HTR2C: variants seen among roughly 807,000 people sequenced by gnomAD.
HTR2C encodes the protein 5-hydroxytryptamine receptor 2C.
HTR2C carries 5 observed loss-of-function variants against 21.0 expected under a neutral mutation model. The ratio of observed to expected loss-of-function variants is 0.24; its 90% CI spans 0.12 to 0.50. The LOEUF is 0.50. HTR2C is among the 20% of genes least tolerant of loss of function. HTR2C has a pLI of 0.98. For synonymous variants in HTR2C, 150 were observed against 145.3 expected (o/e 1.03, Z -0.23); for missense variants, 271 against 371.2 (o/e 0.73, Z 2.22).
intron 4 of HTR2C, among the ~76,000 whole-genome samples, chrX:114,806,465 CATAT>C (rs375790404): frequency 1.1e-4 from 6 of 54,979 alleles, no homozygotes; most frequent in Admixed American, 2.1e-4. Flanking sequence ...ATATATACAC[CATAT>C]ATATATACTG....
At chrX:114,884,223 G>A (rs1216715328) in intron 5 of HTR2C, among the ~76,000 whole-genome samples, 2 of 110,851 alleles carry the variant, frequency 1.8e-5, no homozygotes, top group Non-Finnish European at 3.8e-5. Context: ...TGTGAATAAT[G>A]CTGCAATGAA....
intron 5 of HTR2C, among the ~76,000 whole-genome samples, chrX:114,893,163 C>T (rs1288940718): frequency 1.8e-5 from 2 of 110,238 alleles, no homozygotes; most frequent in Non-Finnish European, 3.8e-5. Flanking sequence ...GATCCACCCG[C>T]CTCAGCCTCC....
chrX:114,857,183 A>G (rs781797199), intron 5 of HTR2C, among the ~76,000 whole-genome samples: 14 of 110,543 alleles, frequency 1.3e-4, no homozygotes, highest in Non-Finnish European at 2.1e-4. Flanking sequence ...TTTCTGCTTT[A>G]TCCCCGTTCT....
intron 2 of HTR2C, among the ~76,000 whole-genome samples, chrX:114,704,690 G>A (rs1556417629): frequency 9.0e-6 from 1 of 111,452 alleles, no homozygotes; most frequent in African/African-American, 3.3e-5. Flanking sequence ...TCAACATAGT[G>A]TTGGAAGTGC....
chrX:114,827,536 C>T (rs1357235993), intron 4 of HTR2C, among the ~76,000 whole-genome samples: 1 of 111,117 alleles, frequency 9.0e-6, no homozygotes, highest in East Asian at 2.8e-4. Flanking sequence ...TGTTGTTCTT[C>T]CTTTGTTCCT....
chrX:114,870,366 G>A (rs2071082554), intron 5 of HTR2C, among the ~76,000 whole-genome samples: 1 of 111,027 alleles, frequency 9.0e-6, no homozygotes, highest in Non-Finnish European at 1.9e-5. Context: ...ACAGGTGTGA[G>A]CCACCGCGCC....
chrX:114,793,251 A>T (rs1357363140), intron 4 of HTR2C, among the ~76,000 whole-genome samples: 1 of 111,537 alleles, frequency 9.0e-6, no homozygotes, highest in East Asian at 2.8e-4. Flanking sequence ...TGTTTTCATC[A>T]TGATCCCATA....
chrX:114,761,990 C>CGTG (rs782126342), intron 4 of HTR2C, among the ~76,000 whole-genome samples: 9 of 9,920 alleles, frequency 9.1e-4, no homozygotes, highest in Non-Finnish European at 1.6e-3. Context: ...TGTATATATA[C>CGTG]TATATATACA....
intron 5 of HTR2C, among the ~76,000 whole-genome samples, chrX:114,895,564 A>G (rs1556483877): frequency 9.2e-6 from 1 of 108,499 alleles, no homozygotes; most frequent in Non-Finnish European, 1.9e-5. Context: ...TTTACTCCTC[A>G]TTTATCTGTT....
At chrX:114,734,494 A>G (rs945859030) in intron 4 of HTR2C, among the ~76,000 whole-genome samples, 3 of 107,315 alleles carry the variant, frequency 2.8e-5, no homozygotes, top group African/African-American at 1.0e-4. Flanking sequence ...TAAAGAAAAA[A>G]TCCTCGGGGT....
At chrX:114,616,809 A>G (rs1264087420) in intron 2 of HTR2C, among the ~76,000 whole-genome samples, 1 of 111,799 alleles carries the variant, frequency 8.9e-6, no homozygotes, top group Non-Finnish European at 1.9e-5. Flanking sequence ...TGAGTTGTAT[A>G]AGGTTTGTGA....
chrX:114,672,269 G>A (rs909883336), intron 2 of HTR2C, among the ~76,000 whole-genome samples: 2 of 111,268 alleles, frequency 1.8e-5, no homozygotes, highest in African/African-American at 3.3e-5. Flanking sequence ...AAACATGCCT[G>A]TAGTCCCAGT....
At chrX:114,742,715 T>TG (rs1209165901) in intron 4 of HTR2C, among the ~76,000 whole-genome samples, 12 of 65,874 alleles carry the variant, frequency 1.8e-4, no homozygotes, top group Non-Finnish European at 3.4e-4. Context: ...GCTACTGTTT[T>TG]TTTTTTTTTT....
chrX:114,646,201 T>C (rs1031598022), intron 2 of HTR2C, among the ~76,000 whole-genome samples: 1 of 111,993 alleles, frequency 8.9e-6, no homozygotes, highest in Non-Finnish European at 1.9e-5. Flanking sequence ...GTTATTAAAA[T>C]TATTTAAAGC....
chrX:114,651,956 T>C (rs781847564), intron 2 of HTR2C, among the ~76,000 whole-genome samples: 64 of 111,813 alleles, frequency 5.7e-4, no homozygotes, highest in African/African-American at 2.0e-3. Context: ...TGAAATTTCT[T>C]TTGATGACAC....
chrX:114,718,989 TAA>T (rs1933089365), intron 2 of HTR2C, among the ~76,000 whole-genome samples: 1 of 95,206 alleles, frequency 1.1e-5, no homozygotes, highest in Non-Finnish European at 2.1e-5. Flanking sequence ...TATAATATAA[TAA>T]TATAATATAT....
intron 4 of HTR2C, among the ~76,000 whole-genome samples, chrX:114,736,105 T>A (rs1424772966): frequency 9.2e-6 from 1 of 108,254 alleles, no homozygotes; most frequent in Non-Finnish European, 1.9e-5. Context: ...AGAGCGAGAC[T>A]CTATTTCAAA....
intron 2 of HTR2C, among the ~76,000 whole-genome samples, chrX:114,690,992 A>G (rs189426737): frequency 4.5e-4 from 50 of 111,016 alleles, no homozygotes; most frequent in Admixed American, 1.3e-3. Flanking sequence ...AATCATATTG[A>G]TTATAATAAT....
chrX:114,703,864 T>A (rs1381128610), intron 2 of HTR2C, among the ~76,000 whole-genome samples: 1 of 109,814 alleles, frequency 9.1e-6, no homozygotes, highest in Non-Finnish European at 1.9e-5. Context: ...CAATAAAAAA[T>A]GATAAAGGGG....
Sources: allele counts gnomAD v4.1 joint callset (sites outside exome capture counted in the v4.1 genomes callset), GRCh38; gene constraint gnomAD v4.1.1; transcripts MANE v1.5; gene names NCBI Gene and HGNC (gene_info 2026-07-23, HGNC 2026-07-21).